The following MGA variants were observed in gnomAD, a reference collection of about 807,000 sequenced individuals.
MGA encodes MAX gene-associated protein.
A neutral mutation model predicts 261.1 loss-of-function variants in MGA; 40 were observed. The ratio of observed to expected loss-of-function variants is 0.15; its 90% CI spans 0.12 to 0.20. The LOEUF (loss-of-function observed/expected upper bound fraction) is 0.20. Among genes scored for constraint, MGA ranks in the 10% least tolerant of loss-of-function variants. The pLI is 1.00. For missense variants in MGA, 3,397 were observed against 3,630.5 expected (o/e 0.94, Z 1.65); for synonymous variants, 1,302 against 1,290.6 (o/e 1.01, Z -0.19).
chr15:41,646,358 T>C (rs1292063019), intron 1 of MGA, among the ~76,000 whole-genome samples: 1 of 152,002 alleles, frequency 6.6e-6, no homozygotes, highest in Middle Eastern at 3.4e-3. Context: ...TATTTTTCTT[T>C]TTTTGGAGAT....
At chr15:41,680,534 G>A (rs2058614283) in intron 2 of MGA, among the ~76,000 whole-genome samples, 2 of 152,138 alleles carry the variant, frequency 1.3e-5, no homozygotes, top group Non-Finnish European at 2.9e-5. Flanking sequence ...TCACCAGTTG[G>A]CTACAAATCC....
chr15:41,765,453 T>C (rs2152039326), intron 23 of MGA, among the ~76,000 whole-genome samples: 1 of 152,382 alleles, frequency 6.6e-6, no homozygotes, highest in South Asian at 2.1e-4. Flanking sequence ...TACTCTGTTT[T>C]GGGGCAAAGG....
intron 1 of MGA, 53 bp from the exon 2 acceptor site, chr15:41,668,771 TACTC>T (rs1347238439): frequency 1.2e-5 from 7 of 601,386 alleles, no homozygotes; most frequent in South Asian, 7.5e-5. Context: ...AAGAAATAAA[TACTC>T]ACTTGATTAA....
At chr15:41,644,226 T>A (rs1000587314) in intron 1 of MGA, among the ~76,000 whole-genome samples, 4 of 151,116 alleles carry the variant, frequency 2.6e-5, no homozygotes, top group African/African-American at 9.7e-5. Flanking sequence ...ACAGGCCAGG[T>A]ACAGTGAGTG....
chr15:41,746,653 G>A (rs12595058), intron 15 of MGA, among the ~76,000 whole-genome samples: 2 of 150,696 alleles, frequency 1.3e-5, no homozygotes, highest in South Asian at 4.2e-4. Context: ...TTTAAGAGTA[G>A]TCTTGGATTT....
Position 41,762,295 on chromosome 15 carries a change from A to C in MGA, c.7677A>C (p.Gly2559=). 3 of 1,613,858 alleles carry C rather than the reference A, an allele frequency of 1.9e-6. No individual in the cohort carries two copies. The highest frequency in any genetic ancestry group is 2.5e-6 in the Non-Finnish European group (3 of 1,179,844). Residue 2559 remains glycine (G), a synonymous_variant, in exon 22 of 24, where the codon GGA becomes GGC. Coordinates refer to ENST00000219905, the MANE Select transcript of MGA (RefSeq NM_001164273.2). ...CTTCTGCATCATCTGTAGATCTTGG[A>C]CAGATGTTTATAAATAACAGGAGGG...
intron 9 of MGA, among the ~76,000 whole-genome samples, chr15:41,719,351 C>G (rs2060820324): frequency 1.3e-5 from 2 of 152,176 alleles, no homozygotes; most frequent in African/African-American, 4.8e-5. Context: ...CTATTCCAAT[C>G]AAAATCCTAA....
Position 41,750,079 on chromosome 15 carries a change from G to T in MGA, c.6472G>T (p.Ala2158Ser), listed in dbSNP as rs2062747207. 6.2e-7 allele frequency: 1 copy of T among 1,613,092 alleles called. No homozygotes were observed. The highest frequency in any genetic ancestry group is 1.1e-5 in the South Asian group (1 of 91,006). Residue 2158 changes from alanine to serine, a missense_variant, in exon 17 of 24, where the codon GCC becomes TCC. Physicochemically the swap from Ala to Ser is moderately conservative, Grantham distance 99 (BLOSUM62 1). This residue lies in a region of MGA where 1,410 missense variants were observed against 1,386.4 expected (regional missense o/e 1.02). Coordinates refer to ENST00000219905, the MANE Select transcript of MGA (RefSeq NM_001164273.2). ...GCAGCAATCTAATCTACAGCCAGAG[G>T]CCAAAGAGAAGGAATGTGGAGACTC...
At chr15:41,705,366 T>C (rs1039927929) in intron 5 of MGA, among the ~76,000 whole-genome samples, 1 of 152,066 alleles carries the variant, frequency 6.6e-6, no homozygotes, top group African/African-American at 2.4e-5. Context: ...TTGAGGTCTT[T>C]TTTTTTTTCA....
chr15:41,703,943 G>A (rs2151398594), intron 5 of MGA, among the ~76,000 whole-genome samples: 1 of 152,096 alleles, frequency 6.6e-6, no homozygotes, highest in South Asian at 2.1e-4. Context: ...AAGTAGCTGG[G>A]ACTACAAGCA....
At chr15:41,727,018 A>G (rs2061285915) in intron 9 of MGA, among the ~76,000 whole-genome samples, 162 bp from the exon 10 acceptor site, 1 of 152,188 alleles carries the variant, frequency 6.6e-6, no homozygotes, top group African/African-American at 2.4e-5. Context: ...GAAAGTATAT[A>G]AATACCACTA....
rs574697848 is a variant in MGA, at chr15:41,725,179, T to A, written c.3431-2001T>A. Reference sequence around the variant, plus strand: ...GGGAATGGGCAGTTTACTTAAAGAATAAAACCAGTAGTGCTGGGCGTAGTA... The same window carrying A: ...GGGAATGGGCAGTTTACTTAAAGAAAAAAACCAGTAGTGCTGGGCGTAGTA... On this transcript the variant is annotated intron_variant, in intron 9 of 23. Coordinates refer to ENST00000219905, the MANE Select transcript of MGA (RefSeq NM_001164273.2). Among the ~76,000 whole-genome samples, 68 of 152,238 alleles carry A rather than the reference T, an allele frequency of 4.5e-4. No homozygotes were observed. In the South Asian group the frequency reaches 0.011, roughly 24 times the overall value.
In MGA at chr15:41,640,851, A is replaced by G. The variant is rs1316263739; in HGVS notation, c.-68+19553A>G. 3.3e-5 allele frequency among the ~76,000 whole-genome samples: 5 copies of G among 152,312 alleles called. No individual in the cohort carries two copies. In the East Asian group the frequency reaches 9.6e-4, roughly 29 times the overall value. On this transcript the variant is annotated intron_variant, in intron 1 of 8. Transcript: ENST00000566718. ...TTTTTAAAGTTTTGAGATAAAATTAATGTACTATAAAATTTACCCATTTAA... is the reference window on the plus strand; with the variant it reads ...TTTTTAAAGTTTTGAGATAAAATTAGTGTACTATAAAATTTACCCATTTAA...
chr15:41,727,140 GC>G (rs757308236), intron 9 of MGA, 39 bp from the exon 10 acceptor site: 15 of 1,523,442 alleles, frequency 9.8e-6, no homozygotes, highest in Non-Finnish European at 1.3e-5. Context: ...ATCTTTTGTT[GC>G]CAAAAGTACC....
chr15:41,769,576 C>A lies in MGA; in HGVS notation c.*2296C>A, dbSNP rs1405106817. On this transcript the variant is annotated 3_prime_UTR_variant, in exon 24 of 24. Coordinates refer to ENST00000219905, the MANE Select transcript of MGA (RefSeq NM_001164273.2). ...AGAAATCTAAAATCTCCAAAAACTC[C>A]TACCCTTTAACCTTACCCTAGGGGG... 2 of 152,428 alleles carry A rather than the reference C, an allele frequency of 1.3e-5. No individual in the cohort carries two copies. The highest frequency in any genetic ancestry group is 2.4e-5 in the African/African-American group (1 of 41,412). The allele number at this position is 152,428 out of a possible 1,614,324, so 9.4% of individuals were successfully genotyped here.
At chr15:41,656,353 T>A (rs1214779406), upstream of MGA, among the ~76,000 whole-genome samples, 1 of 105,306 alleles carries the variant, frequency 9.5e-6, no homozygotes, top group Non-Finnish European at 2.3e-5. Context: ...CTTCTCTCTC[T>A]CTCTCTCTCT....
chr15:41,749,382 C>G lies in MGA; in HGVS notation c.5775C>G (p.Ser1925Arg). 6.2e-7 allele frequency: 1 copy of G among 1,613,992 alleles called. No homozygotes were observed. Among genetic ancestry groups the G allele is most frequent in the African/African-American group, 1.3e-5 (1 of 75,036 alleles). ...GCTCTGAAACCAAAATAACTTATAGCTCAGGAGGACAGCCTGTTGGTACAG... is the reference window on the plus strand; with the variant it reads ...GCTCTGAAACCAAAATAACTTATAGGTCAGGAGGACAGCCTGTTGGTACAG... Residue 1925 changes from serine to arginine, a missense_variant, in exon 17 of 24, where the codon AGC becomes AGG. Ser to Arg is a moderately radical substitution (Grantham distance 110, BLOSUM62 -1). Transcript: ENST00000219905.
chr15:41,660,898 G>C (rs1377687518), intron 1 of MGA, among the ~76,000 whole-genome samples: 1 of 152,200 alleles, frequency 6.6e-6, no homozygotes, highest in African/African-American at 2.4e-5. Flanking sequence ...ACGACTTCTC[G>C]CCCGGCGCCG....
At chr15:41,679,343 C>G (rs548184026) in intron 2 of MGA, among the ~76,000 whole-genome samples, 1 of 152,024 alleles carries the variant, frequency 6.6e-6, no homozygotes, top group African/African-American at 2.4e-5. Context: ...CGCGCTGGGC[C>G]GAGGTTTCAT....
Sources: gnomAD v4.1 joint callset for allele counts (sites outside exome capture counted in the v4.1 genomes callset) on GRCh38, gnomAD v4.1.1 for gene constraint, gnomAD v4.1.1 regional missense constraint, MANE v1.5 for transcripts, NCBI Gene and HGNC (gene_info 2026-07-23, HGNC 2026-07-21) for gene names.